Variants in PBX1 observed in about 807,000 individuals in gnomAD.
PBX1 encodes PBX homeobox 1.
Under a neutral mutation model 53.4 loss-of-function variants are expected in PBX1, and 6 were observed. The observed-to-expected ratio is 0.11, with a 90% CI of 0.06 to 0.22. The LOEUF is 0.22. PBX1 is among the 10% of genes least tolerant of loss of function. PBX1 has a pLI of 1.00. For synonymous variants in PBX1, 204 were observed against 212.3 expected (o/e 0.96, Z 0.34); for missense variants, 251 against 551.4 (o/e 0.46, Z 5.46).
At chr1:164,693,767 A>T (rs1165168786) in intron 2 of PBX1, among the ~76,000 whole-genome samples, 2 of 152,158 alleles carry the variant, frequency 1.3e-5, no homozygotes, top group Non-Finnish European at 2.9e-5. Flanking sequence ...CCAATGAAGA[A>T]CAGATCTGTC....
chr1:164,877,012 TAC>T (rs1672529013), intron 2 of PBX1, among the ~76,000 whole-genome samples: 1 of 152,164 alleles, frequency 6.6e-6, no homozygotes, highest in Admixed American at 6.5e-5. Context: ...ATAGAGGAAG[TAC>T]CATGTGCCAA....
intron 2 of PBX1, among the ~76,000 whole-genome samples, chr1:164,859,830 C>T (rs967081533): frequency 2.0e-5 from 3 of 152,198 alleles, no homozygotes; most frequent in African/African-American, 7.2e-5. Flanking sequence ...TTAAACAAAA[C>T]ACAACCCAAA....
At chr1:164,884,276 A>AT (rs1672727864) in intron 2 of PBX1, among the ~76,000 whole-genome samples, 1 of 152,078 alleles carries the variant, frequency 6.6e-6, no homozygotes, top group Admixed American at 6.6e-5. Context: ...TATCATGGAG[A>AT]TTTTTTTCCA....
intron 2 of PBX1, among the ~76,000 whole-genome samples, chr1:164,751,314 CAA>C (rs527755578): frequency 2.2e-3 from 176 of 78,882 alleles, no homozygotes; most frequent in East Asian, 5.0e-3. Flanking sequence ...GACTCTGTCT[CAA>C]AAAAAAAAAA....
intron 2 of PBX1, among the ~76,000 whole-genome samples, chr1:164,594,182 CCTT>C (rs1429388777): frequency 6.6e-6 from 1 of 152,192 alleles, no homozygotes; most frequent in East Asian, 1.9e-4. Context: ...TTTAAATTCT[CCTT>C]CTAACTTGCT....
chr1:164,648,832 A>C (rs968610866), intron 2 of PBX1, among the ~76,000 whole-genome samples: 6 of 152,232 alleles, frequency 3.9e-5, no homozygotes, highest in Admixed American at 3.3e-4. Flanking sequence ...TAATGAAAAC[A>C]TGCACCAGAG....
At chr1:164,760,140 T>A (rs1488628304) in intron 2 of PBX1, among the ~76,000 whole-genome samples, 2 of 152,220 alleles carry the variant, frequency 1.3e-5, no homozygotes, top group African/African-American at 4.8e-5. Context: ...CAATGACATC[T>A]TAAATGGAGC....
At chr1:164,727,052 G>C (rs1189750625) in intron 2 of PBX1, among the ~76,000 whole-genome samples, 1 of 152,164 alleles carries the variant, frequency 6.6e-6, no homozygotes, top group Admixed American at 6.5e-5. Flanking sequence ...GCAATATGGT[G>C]TTACGGTTTT....
intron 3 of PBX1, among the ~76,000 whole-genome samples, chr1:164,796,019 AT>A (rs10717463): frequency 0.24 from 34,502 of 142,426 alleles, 3,899 homozygotes; most frequent in South Asian, 0.28. Context: ...TTTTGAAGAC[AT>A]TTTTTTTTTT....
chr1:164,710,323 G>T (rs1299692168), intron 2 of PBX1, among the ~76,000 whole-genome samples: 1 of 152,110 alleles, frequency 6.6e-6, no homozygotes, highest in Admixed American at 6.5e-5. Context: ...GACTCCAGAT[G>T]TTGAATTTAA....
downstream of PBX1, among the ~76,000 whole-genome samples, chr1:164,853,608 C>T (rs1239264405): frequency 6.6e-6 from 1 of 152,096 alleles, no homozygotes. Context: ...GTGAGAGAAA[C>T]GACCCCTTTT....
At chr1:164,712,282 C>T (rs1356479891) in intron 2 of PBX1, among the ~76,000 whole-genome samples, 1 of 151,942 alleles carries the variant, frequency 6.6e-6, no homozygotes, top group African/African-American at 2.4e-5. Context: ...TGTCCGTCAG[C>T]GGCTATCTTC....
chr1:164,590,814 T>C (rs1262359578), intron 2 of PBX1, among the ~76,000 whole-genome samples: 1 of 152,074 alleles, frequency 6.6e-6, no homozygotes, highest in African/African-American at 2.4e-5. Flanking sequence ...AATCTCTGAC[T>C]GCATGATTAC....
intron 2 of PBX1, among the ~76,000 whole-genome samples, chr1:164,708,013 A>G (rs1032012077): frequency 2.0e-5 from 3 of 152,334 alleles, no homozygotes; most frequent in Admixed American, 6.5e-5. Flanking sequence ...CATGACTTAC[A>G]GCAGATTTGA....
At chr1:164,666,068 G>A (rs114590581) in intron 2 of PBX1, among the ~76,000 whole-genome samples, 2 of 152,320 alleles carry the variant, frequency 1.3e-5, no homozygotes, top group East Asian at 1.9e-4. Flanking sequence ...GGAGGGAATG[G>A]TATGCACGAC....
intron 2 of PBX1, among the ~76,000 whole-genome samples, chr1:164,711,055 A>G (rs928826234): frequency 6.6e-6 from 1 of 151,962 alleles, no homozygotes; most frequent in African/African-American, 2.4e-5. Context: ...CTTGCTGTCA[A>G]CCCTTTCTCT....
intron 2 of PBX1, among the ~76,000 whole-genome samples, chr1:164,596,646 C>A (rs1655782224): frequency 6.6e-6 from 1 of 152,044 alleles, no homozygotes; most frequent in Non-Finnish European, 1.5e-5. Flanking sequence ...GGAAAACATA[C>A]CTGTTTGTGG....
intron 2 of PBX1, among the ~76,000 whole-genome samples, chr1:164,696,139 T>A (rs964465784): frequency 2.6e-5 from 4 of 152,176 alleles, no homozygotes; most frequent in African/African-American, 9.6e-5. Flanking sequence ...ACTTCTCATC[T>A]GGTAAAAATG....
chr1:164,626,626 T>A (rs1200113056), intron 2 of PBX1, among the ~76,000 whole-genome samples: 2 of 152,214 alleles, frequency 1.3e-5, no homozygotes, highest in Non-Finnish European at 2.9e-5. Context: ...TACTATTTTG[T>A]CTTAAGCCAG....
Sources: allele counts gnomAD v4.1 joint callset (sites outside exome capture counted in the v4.1 genomes callset), GRCh38; gene constraint gnomAD v4.1.1; transcripts MANE v1.5; gene names NCBI Gene and HGNC (gene_info 2026-07-23, HGNC 2026-07-21).